The following MIPOL1 variants were observed in gnomAD, a reference collection of about 807,000 sequenced individuals.
MIPOL1 encodes the protein mirror-image polydactyly gene 1 protein.
A neutral mutation model predicts 60.9 loss-of-function variants in MIPOL1; 57 were observed. The ratio of observed to expected loss-of-function variants is 0.94; its 90% CI spans 0.76 to 1.17. The LOEUF is 1.17. MIPOL1 is among the 50% of genes most tolerant of loss of function. The probability of loss-of-function intolerance (pLI) is 0.00; values close to 1 mark genes in which losing one functional copy is unlikely to be tolerated. For synonymous variants in MIPOL1, 179 were observed against 168.8 expected, an observed-to-expected ratio of 1.06 and a Z score of -0.47; for missense variants, 551 against 511.6, an observed-to-expected ratio of 1.08 and a Z score of -0.74.
chr14:37,267,233 A>G, intron 4 of MIPOL1, 64 bp downstream of exon 4: 1 of 1,256,606 alleles, frequency 8.0e-7, no homozygotes, highest in South Asian at 1.3e-5. Context: ...CATGCCTGTA[A>G]TCTCAGCACT....
intron 12 of MIPOL1, among the ~76,000 whole-genome samples, chr14:37,519,036 A>C (rs970249644): frequency 1.3e-5 from 2 of 152,208 alleles, no homozygotes; most frequent in African/African-American, 2.4e-5. Context: ...GAATAATGTC[A>C]GTTAATAAAT....
intron 11 of MIPOL1, among the ~76,000 whole-genome samples, chr14:37,429,273 T>C (rs1393098309): frequency 6.6e-6 from 1 of 152,198 alleles, no homozygotes; most frequent in African/African-American, 2.4e-5. Flanking sequence ...TGCTTCCTTA[T>C]ATTTTCTTTC....
intron 11 of MIPOL1, among the ~76,000 whole-genome samples, chr14:37,432,687 A>G (rs1399741375): frequency 6.6e-6 from 1 of 152,124 alleles, no homozygotes; most frequent in Non-Finnish European, 1.5e-5. Flanking sequence ...CTTTCTTAAA[A>G]TTTAGAATTA....
At chr14:37,431,031 T>C (rs1474528284) in intron 11 of MIPOL1, among the ~76,000 whole-genome samples, 1 of 152,246 alleles carries the variant, frequency 6.6e-6, no homozygotes, top group African/African-American at 2.4e-5. Flanking sequence ...CAAAATATTT[T>C]GTCACTTAAT....
chr14:37,278,216 G>A (rs976897666), intron 6 of MIPOL1: 5 of 151,470 alleles, frequency 3.3e-5, no homozygotes, highest in African/African-American at 9.7e-5. Flanking sequence ...AGTCGGTTTT[G>A]GTTAATTTTC....
At chr14:37,410,984 A>G (rs956569425) in intron 10 of MIPOL1, among the ~76,000 whole-genome samples, 1 of 152,180 alleles carries the variant, frequency 6.6e-6, no homozygotes, top group Non-Finnish European at 1.5e-5. Flanking sequence ...TTTATTGGAA[A>G]TTTCTTTAAA....
intron 11 of MIPOL1, among the ~76,000 whole-genome samples, chr14:37,478,638 A>AT (rs2094814433): frequency 6.6e-6 from 1 of 152,166 alleles, no homozygotes; most frequent in Non-Finnish European, 1.5e-5. Context: ...TGAAAAAAAA[A>AT]CCAAGACCCA....
At chr14:37,528,558 A>G (rs2095461621) in intron 12 of MIPOL1, among the ~76,000 whole-genome samples, 1 of 152,124 alleles carries the variant, frequency 6.6e-6, no homozygotes, top group South Asian at 2.1e-4. Context: ...AGAGAGAAAT[A>G]TAGTACTTTT....
rs913469902 is a variant in MIPOL1, at chr14:37,551,197, ACT to A, written c.*4228_*4229del. Reference sequence around the variant, plus strand: ...AACAAAGATGTATTTTAATGCACAAACTCAAATGTTTAAAATATATATTTACT... The same window carrying A: ...AACAAAGATGTATTTTAATGCACAAACAAATGTTTAAAATATATATTTACT... On this transcript the variant is annotated 3_prime_UTR_variant, in exon 13 of 13. Transcript: ENST00000684589. 4.6e-5 allele frequency: 7 copies of A among 152,212 alleles called. No individual in the cohort carries two copies. In the East Asian group the frequency reaches 1.4e-3, roughly 29 times the overall value. 9.4% of individuals were successfully genotyped at this position (152,212 alleles called of 1,614,324 possible).
chr14:37,375,598 G>A (rs985226742), intron 10 of MIPOL1, among the ~76,000 whole-genome samples: 1 of 152,074 alleles, frequency 6.6e-6, no homozygotes, highest in Admixed American at 6.6e-5. Flanking sequence ...AAAGAGCTCT[G>A]ATTGTTAATA....
intron 6 of MIPOL1, among the ~76,000 whole-genome samples, chr14:37,271,409 G>A (rs1225311162): frequency 6.6e-6 from 1 of 151,886 alleles, no homozygotes; most frequent in Non-Finnish European, 1.5e-5. Context: ...GTCACTTAAT[G>A]GGATTACATA....
At chr14:37,281,219 C>T (rs1173346556) in intron 6 of MIPOL1, among the ~76,000 whole-genome samples, 1 of 152,120 alleles carries the variant, frequency 6.6e-6, no homozygotes, top group Non-Finnish European at 1.5e-5. Context: ...TTTTATTCTG[C>T]ATGTGGATAT....
At chr14:37,467,485 C>T (rs2094613651) in intron 11 of MIPOL1, among the ~76,000 whole-genome samples, 1 of 152,120 alleles carries the variant, frequency 6.6e-6, no homozygotes, top group Non-Finnish European at 1.5e-5. Context: ...TCAAATTTCA[C>T]AGGCTAACAT....
chr14:37,417,653 C>T (rs1369991716), intron 10 of MIPOL1, among the ~76,000 whole-genome samples: 1 of 151,956 alleles, frequency 6.6e-6, no homozygotes, highest in Non-Finnish European at 1.5e-5. Context: ...AATTAAAATC[C>T]TAGTAGGTCT....
chr14:37,475,443 T>G (rs968115642), intron 11 of MIPOL1, among the ~76,000 whole-genome samples: 3 of 152,148 alleles, frequency 2.0e-5, no homozygotes, highest in African/African-American at 7.2e-5. Context: ...AACTTACCTG[T>G]TTTTTTCTTT....
At chr14:37,481,595 ACACACACACACACACAC>A (rs1385090714) in intron 11 of MIPOL1, among the ~76,000 whole-genome samples, 6 of 150,758 alleles carry the variant, frequency 4.0e-5, no homozygotes, top group African/African-American at 1.2e-4. Context: ...ACACACACAC[ACACACACACACACACAC>A]CGAAACCACA....
chr14:37,236,153 T>A (rs1248943644), intron 1 of MIPOL1, among the ~76,000 whole-genome samples: 1 of 152,100 alleles, frequency 6.6e-6, no homozygotes, highest in Non-Finnish European at 1.5e-5. Flanking sequence ...CTCGAACTCC[T>A]GAGCTCAGGC....
chr14:37,239,384 A>G (rs1267851894), intron 1 of MIPOL1, among the ~76,000 whole-genome samples: 2 of 152,100 alleles, frequency 1.3e-5, no homozygotes, highest in Non-Finnish European at 2.9e-5. Context: ...ACACTGTGCA[A>G]CTGTATTAGT....
At chr14:37,346,567 TACAC>T (rs1037743835) in intron 9 of MIPOL1, among the ~76,000 whole-genome samples, 3 of 152,008 alleles carry the variant, frequency 2.0e-5, no homozygotes, top group African/African-American at 7.2e-5. Context: ...AACACAAACA[TACAC>T]ACACAGCCTT....
Sources: gnomAD v4.1 joint callset for allele counts (sites outside exome capture counted in the v4.1 genomes callset) on GRCh38, gnomAD v4.1.1 for gene constraint, MANE v1.5 for transcripts, NCBI Gene and HGNC (gene_info 2026-07-23, HGNC 2026-07-21) for gene names.